The following TRPC3 variants were observed in gnomAD, a reference collection of about 807,000 sequenced individuals.
The protein encoded by TRPC3 is short transient receptor potential channel 3.
Under a neutral mutation model 90.9 loss-of-function variants are expected in TRPC3, and 54 were observed. That is an observed-to-expected ratio of 0.59 (90% CI 0.48 to 0.75). TRPC3 has a LOEUF of 0.75. Ranked by LOEUF, TRPC3 falls within the 30% of genes least tolerant of loss-of-function variation. The probability of loss-of-function intolerance (pLI) is 0.00; values close to 1 mark genes in which losing one functional copy is unlikely to be tolerated. For synonymous variants in TRPC3, 424 were observed against 450.9 expected (o/e 0.94, Z 0.75); for missense variants, 918 against 1,194.5 (o/e 0.77, Z 3.41).
intron 7 of TRPC3, 48 bp from the exon 8 acceptor site, chr4:121,904,565 A>G: frequency 1.4e-6 from 2 of 1,407,090 alleles, no homozygotes; most frequent in Non-Finnish European, 1.9e-6. Context: ...AGTTTTCAAT[A>G]TCTAAGAGTG....
At chr4:121,897,220 C>T (rs950176693) in intron 10 of TRPC3, among the ~76,000 whole-genome samples, 2 of 151,672 alleles carry the variant, frequency 1.3e-5, no homozygotes, top group Admixed American at 1.3e-4. Flanking sequence ...TGCTTCAGGA[C>T]ACTGGTCTGG....
chr4:121,900,566 A>G (rs981310038), intron 9 of TRPC3, among the ~76,000 whole-genome samples: 8 of 152,212 alleles, frequency 5.3e-5, no homozygotes, highest in Admixed American at 2.6e-4. Context: ...TAATTCTCCA[A>G]TCGGCCACTG....
chr4:121,947,058 C>G (rs1454844399), intron 1 of TRPC3, among the ~76,000 whole-genome samples: 2 of 151,478 alleles, frequency 1.3e-5, no homozygotes, highest in Non-Finnish European at 2.9e-5. Context: ...TAGTGTGTGC[C>G]TGTAGTCCCA....
At chr4:121,882,634 C>CT (rs573979274) in intron 10 of TRPC3, among the ~76,000 whole-genome samples, 15 of 151,446 alleles carry the variant, frequency 9.9e-5, no homozygotes, top group African/African-American at 3.4e-4. Flanking sequence ...TCCACCAATA[C>CT]TTTTTTTTTG....
chr4:121,882,916 C>T (rs890524869), intron 10 of TRPC3, among the ~76,000 whole-genome samples: 2 of 152,032 alleles, frequency 1.3e-5, no homozygotes, highest in African/African-American at 2.4e-5. Flanking sequence ...GGTGTATGCC[C>T]TTCCAATATC....
chr4:121,922,065 C>G (rs1435375379), intron 3 of TRPC3, among the ~76,000 whole-genome samples: 2 of 151,814 alleles, frequency 1.3e-5, no homozygotes, highest in African/African-American at 2.4e-5. Context: ...ACTACAGGTG[C>G]CTGCCACCAC....
intron 6 of TRPC3, among the ~76,000 whole-genome samples, chr4:121,909,339 C>T (rs1729004831): frequency 6.6e-6 from 1 of 152,072 alleles, no homozygotes; most frequent in African/African-American, 2.4e-5. Flanking sequence ...TTCTTCACAA[C>T]CAGATCACAG....
chr4:121,937,895 T>A (rs1431460038), intron 1 of TRPC3, among the ~76,000 whole-genome samples: 1 of 152,114 alleles, frequency 6.6e-6, no homozygotes, highest in East Asian at 1.9e-4. Flanking sequence ...ATATTCCATG[T>A]GTTTTAAACC....
rs1275213527 is a variant in TRPC3 at position 121,922,196 on chromosome 4, A to G, written c.1176+2822T>C. 2.6e-5 allele frequency among the ~76,000 whole-genome samples: 4 copies of G among 152,062 alleles called. No homozygotes were observed. In the East Asian group the frequency reaches 7.7e-4, roughly 29 times the overall value. ...CTCGGCCCCCCAAAGTGCTGGGATT[A>G]CAGGTGTGAGCCACCGTGCCCGGCC... On this transcript the variant is annotated intron_variant, in intron 3 of 11. Coordinates refer to ENST00000379645, the MANE Select transcript of TRPC3 (RefSeq NM_001130698.2).
chr4:121,892,082 A>G (rs1458504589), intron 10 of TRPC3, among the ~76,000 whole-genome samples: 1 of 152,186 alleles, frequency 6.6e-6, no homozygotes, highest in Non-Finnish European at 1.5e-5. Context: ...AACAAGCAGG[A>G]GCTGGGAGAG....
chr4:121,939,584 G>C (rs1730235957), intron 1 of TRPC3, among the ~76,000 whole-genome samples: 1 of 152,220 alleles, frequency 6.6e-6, no homozygotes, highest in South Asian at 2.1e-4. Flanking sequence ...AATGATATGG[G>C]AAAAGCAAAG....
chr4:121,910,364 C>T lies in TRPC3; in HGVS notation c.1582G>A (p.Glu528Lys). 6.2e-7 allele frequency: 1 copy of T among 1,613,570 alleles called. No homozygotes were observed. The highest frequency in any genetic ancestry group is 8.5e-7 in the Non-Finnish European group (1 of 1,179,634). The change falls in exon 6 of 12, where the codon GAG (glutamate) becomes AAG (lysine). Residue 528 changes from glutamate to lysine, a missense_variant. By Grantham distance (56) the Glu-to-Lys change is moderately conservative. Coordinates refer to ENST00000379645, the MANE Select transcript of TRPC3 (RefSeq NM_001130698.2). Reference sequence around the variant, plus strand: ...TCCCTAGGTCCTTCCAGCCAGAGCTCTTTACATTCAGACCACATCATTCCT... The same window carrying T: ...TCCCTAGGTCCTTCCAGCCAGAGCTTTTTACATTCAGACCACATCATTCCT... Reference protein sequence around the residue: ...VLGMMWSECKELWLEGPREYI... With the variant: ...VLGMMWSECKKLWLEGPREYI...
At chr4:121,944,127 C>T (rs951226406) in intron 1 of TRPC3, among the ~76,000 whole-genome samples, 9 of 152,118 alleles carry the variant, frequency 5.9e-5, no homozygotes, top group African/African-American at 1.9e-4. Context: ...CCAGCACAGC[C>T]CACTAACACA....
intron 2 of TRPC3, among the ~76,000 whole-genome samples, chr4:121,926,688 T>C (rs1729725694): frequency 6.6e-6 from 1 of 152,194 alleles, no homozygotes; most frequent in African/African-American, 2.4e-5. Context: ...ATTACAGGCA[T>C]GAGTCACCGC....
chr4:121,925,347 G>T, intron 2 of TRPC3, 141 bp from the exon 3 acceptor site: 1 of 896,222 alleles, frequency 1.1e-6, no homozygotes, highest in Non-Finnish European at 1.6e-6. Flanking sequence ...TTGTTGAGCT[G>T]AATACAGGCT....
intron 10 of TRPC3, 39 bp from the exon 11 acceptor site, chr4:121,882,468 T>C (rs534186893): frequency 1.9e-6 from 3 of 1,579,396 alleles, no homozygotes; most frequent in Admixed American, 1.7e-5. Flanking sequence ...TCCAATGATA[T>C]ACATAAGTGC....
In TRPC3 at chr4:121,929,673, T is replaced by C. The variant is rs1034361477; in HGVS notation, c.987+2598A>G. Among the ~76,000 whole-genome samples, 3 of 152,320 alleles carry C rather than the reference T, an allele frequency of 2.0e-5. No homozygotes were observed. In the East Asian group the frequency reaches 5.8e-4, roughly 29 times the overall value. ...ACCTCTTAGGGTATTGACCTTCACA[T>C]GTTTTAAACACCATACCTACTGTAT... On this transcript the variant is annotated intron_variant, in intron 2 of 11. Transcript: ENST00000379645.
rs144644982 is a variant in TRPC3 at position 121,893,983 on chromosome 4, T to A, written c.2547+5629A>T. 8.3e-3 allele frequency among the ~76,000 whole-genome samples: 1,267 copies of A among 152,262 alleles called. 22 individuals are homozygous for A. Among genetic ancestry groups the A allele is most frequent in the African/African-American group, 0.029 (1,190 of 41,564 alleles). On this transcript the variant is annotated intron_variant, in intron 10 of 11. Coordinates refer to ENST00000379645, the MANE Select transcript of TRPC3 (RefSeq NM_001130698.2). ...GGAGGAAATAGGTGCTCTCATATAT[T>A]TATTGTAAGAATGTAAGTTAGTACA...
chr4:121,917,812 C>A (rs1729367971), intron 3 of TRPC3, among the ~76,000 whole-genome samples: 1 of 152,160 alleles, frequency 6.6e-6, no homozygotes, highest in South Asian at 2.1e-4. Flanking sequence ...GGGTAAACTA[C>A]AGGTGGAGCA....
Sources: gnomAD v4.1 joint callset for allele counts (sites outside exome capture counted in the v4.1 genomes callset) on GRCh38, gnomAD v4.1.1 for gene constraint, MANE v1.5 for transcripts, NCBI Gene and HGNC (gene_info 2026-07-23, HGNC 2026-07-21) for gene names.